OLA1: variants seen among roughly 807,000 people sequenced by gnomAD.
The protein encoded by OLA1 is Obg like ATPase 1, also known as obg-like ATPase 1.
In OLA1, 14 loss-of-function variants were observed where a neutral mutation model predicts 48.4. That is an observed-to-expected ratio of 0.29 (90% CI 0.19 to 0.45). OLA1 has a LOEUF of 0.45. Among genes scored for constraint, OLA1 ranks in the 20% least tolerant of loss-of-function variants. The probability of loss-of-function intolerance (pLI) is 1.00; values close to 1 mark genes in which losing one functional copy is unlikely to be tolerated. For missense variants in OLA1, 325 were observed against 467.1 expected (o/e 0.70, Z 2.80); for synonymous variants, 127 against 150.4 (o/e 0.84, Z 1.14).
chr2:174,135,245 C>T (rs1483742019), intron 5 of OLA1, among the ~76,000 whole-genome samples: 3 of 151,204 alleles, frequency 2.0e-5, no homozygotes, highest in South Asian at 2.1e-4. Flanking sequence ...AAAATCAGTA[C>T]GTTTAAAGTC....
chr2:174,202,002 T>C (rs1688001018), intron 4 of OLA1, among the ~76,000 whole-genome samples: 1 of 152,184 alleles, frequency 6.6e-6, no homozygotes, highest in South Asian at 2.1e-4. Flanking sequence ...TGTGGATTTT[T>C]TTCAATAAAC....
At chr2:174,223,572 T>G (rs1688550992) in intron 3 of OLA1, among the ~76,000 whole-genome samples, 1 of 152,136 alleles carries the variant, frequency 6.6e-6, no homozygotes, top group African/African-American at 2.4e-5. Context: ...ACATGTATTA[T>G]CTCACTTCAA....
At chr2:174,203,944 A>T (rs975736691) in intron 4 of OLA1, among the ~76,000 whole-genome samples, 1 of 151,464 alleles carries the variant, frequency 6.6e-6, no homozygotes, top group Non-Finnish European at 1.5e-5. Context: ...ACAGGTGTGC[A>T]CCACTGCGCC....
chr2:174,210,283 T>C (rs1279181219), intron 4 of OLA1, among the ~76,000 whole-genome samples: 1 of 152,180 alleles, frequency 6.6e-6, no homozygotes, highest in Non-Finnish European at 1.5e-5. Flanking sequence ...TCCTTTCTGA[T>C]TTTAAAAACA....
rs76343473 is a variant in OLA1 at position 174,100,288 on chromosome 2, A to G, written c.729-18224T>C. ...CTAGCTGGGTAATGGGTTGGTAGGA[A>G]TAAGTAAGACCGACATTGTCCTTGT... On this transcript the variant is annotated intron_variant, in intron 7 of 10. Coordinates refer to ENST00000284719, the MANE Select transcript of OLA1 (RefSeq NM_013341.5). 2.0e-4 allele frequency among the ~76,000 whole-genome samples: 30 copies of G among 152,346 alleles called. 1 individual carries two copies. In the East Asian group the frequency reaches 5.4e-3, roughly 27 times the overall value.
chr2:174,197,487 T>G (rs1456158424), intron 4 of OLA1, among the ~76,000 whole-genome samples: 1 of 151,968 alleles, frequency 6.6e-6, no homozygotes, highest in African/African-American at 2.4e-5. Flanking sequence ...ACTTCAAAAG[T>G]CTGAAACATA....
intron 5 of OLA1, among the ~76,000 whole-genome samples, chr2:174,139,898 A>G (rs1029635933): frequency 2.6e-5 from 4 of 151,750 alleles, no homozygotes; most frequent in African/African-American, 7.2e-5. Flanking sequence ...AGAAAGAAAA[A>G]AAAAAGGTAT....
At chr2:174,201,834 G>A (rs1267586946) in intron 4 of OLA1, among the ~76,000 whole-genome samples, 1 of 152,120 alleles carries the variant, frequency 6.6e-6, no homozygotes, top group Admixed American at 6.5e-5. Flanking sequence ...GGGTAAAACA[G>A]CTCCTTTTAC....
chr2:174,210,381 A>T (rs1688214817), intron 4 of OLA1, among the ~76,000 whole-genome samples: 1 of 152,200 alleles, frequency 6.6e-6, no homozygotes, highest in Non-Finnish European at 1.5e-5. Context: ...TTTGTTTAAA[A>T]TACGCATACA....
intron 2 of OLA1, among the ~76,000 whole-genome samples, chr2:174,237,327 T>C (rs1361012675): frequency 3.9e-5 from 6 of 152,148 alleles, no homozygotes; most frequent in Non-Finnish European, 7.3e-5. Context: ...ATAACACACA[T>C]GGAGCTGTCA....
chr2:174,080,602 T>C (rs1022523836), intron 9 of OLA1, among the ~76,000 whole-genome samples: 1 of 152,052 alleles, frequency 6.6e-6, no homozygotes, highest in African/African-American at 2.4e-5. Context: ...ACTGAACATA[T>C]AACACTGAAA....
chr2:174,214,498 T>C (rs1688317888), intron 4 of OLA1, among the ~76,000 whole-genome samples: 2 of 152,196 alleles, frequency 1.3e-5, no homozygotes, highest in South Asian at 4.2e-4. Context: ...CTGCTGGAAA[T>C]ACAGAAAACA....
chr2:174,239,633 C>T (rs1356677653), intron 2 of OLA1, among the ~76,000 whole-genome samples: 1 of 143,638 alleles, frequency 7.0e-6, no homozygotes. Context: ...AATCCCAGCA[C>T]TTGGAAGGAC....
At chr2:174,234,490 G>A (rs1688802407) in intron 2 of OLA1, among the ~76,000 whole-genome samples, 1 of 151,998 alleles carries the variant, frequency 6.6e-6, no homozygotes, top group South Asian at 2.1e-4. Flanking sequence ...TGGAGATAGG[G>A]TCTCACTTTA....
chr2:174,212,017 T>TTTAG (rs1559007429), intron 4 of OLA1, among the ~76,000 whole-genome samples: 3 of 152,200 alleles, frequency 2.0e-5, no homozygotes, highest in African/African-American at 7.2e-5. Context: ...CAGTGCTGTT[T>TTTAG]TTAGAGTCAG....
chr2:174,190,661 C>A (rs1687753429), intron 4 of OLA1, among the ~76,000 whole-genome samples: 1 of 151,794 alleles, frequency 6.6e-6, no homozygotes, highest in African/African-American at 2.4e-5. Flanking sequence ...ATATTAAGAA[C>A]AGATTTTGAT....
At chr2:174,178,142 C>T (rs1442430535) in intron 4 of OLA1, among the ~76,000 whole-genome samples, 3 of 151,798 alleles carry the variant, frequency 2.0e-5, no homozygotes, top group Non-Finnish European at 4.4e-5. Context: ...AGTATAAATG[C>T]TTTTAGGTAT....
At chr2:174,195,381 C>T (rs980917851) in intron 4 of OLA1, among the ~76,000 whole-genome samples, 1 of 152,160 alleles carries the variant, frequency 6.6e-6, no homozygotes, top group African/African-American at 2.4e-5. Flanking sequence ...CTTGTACCAA[C>T]TGAAGTCTCA....
chr2:174,237,184 T>C (rs187164426), intron 2 of OLA1, among the ~76,000 whole-genome samples: 2 of 115,560 alleles, frequency 1.7e-5, no homozygotes, highest in African/African-American at 5.2e-5. Context: ...AAATGTGTGC[T>C]TTTTTTAAAA....
Sources: gnomAD v4.1 joint callset for allele counts (sites outside exome capture counted in the v4.1 genomes callset) on GRCh38, gnomAD v4.1.1 for gene constraint, MANE v1.5 for transcripts, NCBI Gene and HGNC (gene_info 2026-07-23, HGNC 2026-07-21) for gene names.